ATP8B4: variants seen among roughly 807,000 people sequenced by gnomAD.
The protein encoded by ATP8B4 is probable phospholipid-transporting ATPase IM.
ATP8B4 carries 133 observed loss-of-function variants against 145.6 expected under a neutral mutation model. The observed-to-expected ratio is 0.91, with a 90% confidence interval of 0.79 to 1.05. The LOEUF (loss-of-function observed/expected upper bound fraction) is 1.05. Ranked by LOEUF, ATP8B4 falls within the 50% of genes least tolerant of loss-of-function variation. The pLI, the probability that ATP8B4 is intolerant of heterozygous loss-of-function variation, is 0.00. For missense variants in ATP8B4, 1,458 were observed against 1,425.2 expected, an observed-to-expected ratio of 1.02 and a Z score of -0.37; for synonymous variants, 507 against 492.9, an observed-to-expected ratio of 1.03 and a Z score of -0.38.
chr15:49,981,309 A>C lies in ATP8B4; in HGVS notation c.749-15T>G, dbSNP rs2046133906. The C allele has an allele frequency of 5.1e-6, 8 of 1,553,724 alleles. No individual in the cohort carries two copies. Among genetic ancestry groups the C allele is most frequent in the Non-Finnish European group, 7.0e-6 (8 of 1,135,422 alleles). ...AGTGTCAGGACCTGCAAAAACAAAA[A>C]AAAGTAAATAACTTTGAAATGATAT... is the stretch of plus-strand genomic sequence containing the variant. On this transcript the variant is annotated splice_polypyrimidine_tract_variant and intron_variant, in intron 10 of 27. Coordinates refer to ENST00000284509, the MANE Select transcript of ATP8B4 (RefSeq NM_024837.4).
chr15:50,128,336 T>G (rs944039523), intron 1 of ATP8B4, among the ~76,000 whole-genome samples: 1 of 152,190 alleles, frequency 6.6e-6, no homozygotes, highest in Non-Finnish European at 1.5e-5. Context: ...GTCTGAAGGG[T>G]GCCCTTCTCC....
intron 6 of ATP8B4, among the ~76,000 whole-genome samples, chr15:50,028,484 G>A (rs2050175081): frequency 6.6e-6 from 1 of 152,124 alleles, no homozygotes; most frequent in Non-Finnish European, 1.5e-5. Context: ...TGTTTCATCT[G>A]CAGAGCCTGT....
chr15:49,909,722 C>CAAAAAA (rs995336781), intron 20 of ATP8B4, among the ~76,000 whole-genome samples: 3 of 71,996 alleles, frequency 4.2e-5, no homozygotes, highest in East Asian at 4.0e-4. Flanking sequence ...CTTTGTTTAC[C>CAAAAAA]AAAAAAAAAA....
chr15:50,117,969 G>C (rs1233764438), intron 1 of ATP8B4, among the ~76,000 whole-genome samples: 1 of 152,286 alleles, frequency 6.6e-6, no homozygotes. Flanking sequence ...TGAAGGTAGA[G>C]AGGGAGAATG....
intron 6 of ATP8B4, among the ~76,000 whole-genome samples, chr15:50,017,947 T>C (rs939208962): frequency 1.3e-5 from 2 of 152,100 alleles, no homozygotes; most frequent in Non-Finnish European, 2.9e-5. Flanking sequence ...TCATCCCTAG[T>C]TCCTCAAAAA....
intron 1 of ATP8B4, among the ~76,000 whole-genome samples, chr15:50,134,268 CAT>C (rs1471609931): frequency 5.9e-5 from 9 of 151,944 alleles, no homozygotes; most frequent in African/African-American, 2.2e-4. Context: ...AGAAATAAAA[CAT>C]AATGTAAAAA....
chr15:50,085,932 T>TTTATATATGATATATATC (rs2054931244), intron 2 of ATP8B4, among the ~76,000 whole-genome samples: 6 of 45,454 alleles, frequency 1.3e-4, no homozygotes, highest in South Asian at 6.0e-4. Flanking sequence ...ATATATCATA[T>TTTATATATGATATATATC]ATATTTATAT....
intron 1 of ATP8B4, among the ~76,000 whole-genome samples, chr15:50,109,441 G>A (rs535695045): frequency 1.3e-5 from 2 of 152,104 alleles, no homozygotes; most frequent in South Asian, 2.1e-4. Flanking sequence ...AAATGGTATT[G>A]GGCAGGTGAA....
chr15:50,024,605 C>T (rs568203492), intron 6 of ATP8B4, among the ~76,000 whole-genome samples: 2 of 152,288 alleles, frequency 1.3e-5, no homozygotes, highest in South Asian at 2.1e-4. Flanking sequence ...CAGAAAGTGC[C>T]GCTGCAAGGG....
intron 1 of ATP8B4, among the ~76,000 whole-genome samples, chr15:50,113,627 T>C (rs140292021): frequency 0.014 from 2,146 of 151,700 alleles, 24 homozygotes; most frequent in Non-Finnish European, 0.023. Flanking sequence ...TCACCTGAGG[T>C]CAGGAGTTCG....
intron 11 of ATP8B4, among the ~76,000 whole-genome samples, chr15:49,980,359 A>C (rs1475180888): frequency 2.0e-5 from 3 of 152,166 alleles, no homozygotes; most frequent in Admixed American, 2.0e-4. Flanking sequence ...TACATGGGAA[A>C]ACATGGTTTG....
At chr15:50,029,238 T>TAAAAAA (rs58363112) in intron 6 of ATP8B4, among the ~76,000 whole-genome samples, 15,105 of 75,922 alleles carry the variant, frequency 0.2, 2,097 homozygotes, top group East Asian at 0.56. Flanking sequence ...GACTCCATCT[T>TAAAAAA]AAAAAAAAAA....
At chr15:50,063,467 TAC>T (rs1205107780) in intron 3 of ATP8B4, among the ~76,000 whole-genome samples, 1 of 151,998 alleles carries the variant, frequency 6.6e-6, no homozygotes, top group Non-Finnish European at 1.5e-5. Context: ...TCCACATAGA[TAC>T]AATAATAAAA....
chr15:49,918,933 A>G lies in ATP8B4; in HGVS notation c.1941T>C (p.Ala647=). Residue 647 remains alanine, a synonymous_variant, in exon 19 of 28, where the codon GCT becomes GCC. Transcript: ENST00000284509. ...CACCCTCCTGTAACTTATCTTCTAC[A>G]GCAGTGGCACCTAGTAGCTTTATTG... ...ERDLMLLGAT[A]VEDKLQEGVI... 1 of 1,612,582 alleles carries G rather than the reference A, an allele frequency of 6.2e-7. No individual in the cohort carries two copies. The highest frequency in any genetic ancestry group is 8.5e-7 in the Non-Finnish European group (1 of 1,178,944).
At chr15:49,910,035 A>C (rs895768337) in intron 20 of ATP8B4, among the ~76,000 whole-genome samples, 3 of 152,178 alleles carry the variant, frequency 2.0e-5, no homozygotes, top group African/African-American at 7.2e-5. Context: ...AAATAATTCA[A>C]AATAATGATA....
chr15:50,133,653 A>G (rs961129254), intron 1 of ATP8B4, among the ~76,000 whole-genome samples: 1 of 152,182 alleles, frequency 6.6e-6, no homozygotes, highest in African/African-American at 2.4e-5. Flanking sequence ...AGCAGAGAGC[A>G]TAATAAGCAG....
chr15:49,985,297 C>T (rs1412678655), intron 10 of ATP8B4, among the ~76,000 whole-genome samples: 1 of 152,068 alleles, frequency 6.6e-6, no homozygotes, highest in Non-Finnish European at 1.5e-5. Context: ...GGGGTTTCAC[C>T]ATGTTAGCCA....
At chr15:49,972,989 A>C (rs1413053342) in intron 12 of ATP8B4, among the ~76,000 whole-genome samples, 199 bp from the exon 13 acceptor site, 3 of 152,178 alleles carry the variant, frequency 2.0e-5, no homozygotes, top group African/African-American at 7.2e-5. Context: ...ATTTTCTACA[A>C]CACCATAAAA....
intron 1 of ATP8B4, among the ~76,000 whole-genome samples, chr15:50,133,696 ATGT>A (rs1434148197): frequency 6.6e-6 from 1 of 152,168 alleles, no homozygotes; most frequent in African/African-American, 2.4e-5. Flanking sequence ...AAATGGGGAG[ATGT>A]TGGTCAAAAT....
Sources: allele counts gnomAD v4.1 joint callset (sites outside exome capture counted in the v4.1 genomes callset), GRCh38; gene constraint gnomAD v4.1.1; transcripts MANE v1.5; gene names NCBI Gene and HGNC (gene_info 2026-07-23, HGNC 2026-07-21).